EBF2: variants seen among roughly 807,000 people sequenced by gnomAD.
The protein encoded by EBF2 is transcription factor COE2.
In EBF2, 21 loss-of-function variants were observed where a neutral mutation model predicts 72.8. That is an observed-to-expected ratio of 0.29 (90% CI 0.20 to 0.42). EBF2 has a LOEUF of 0.42. Among genes scored for constraint, EBF2 ranks in the 10% least tolerant of loss-of-function variants. The pLI, the probability that EBF2 is intolerant of heterozygous loss-of-function variation, is 1.00. For missense variants in EBF2, 637 were observed against 731.2 expected, an observed-to-expected ratio of 0.87 and a Z score of 1.49; for synonymous variants, 299 against 274.2, an observed-to-expected ratio of 1.09 and a Z score of -0.89.
chr8:25,870,487 G>A (rs1802417560), intron 10 of EBF2, among the ~76,000 whole-genome samples: 1 of 152,066 alleles, frequency 6.6e-6, no homozygotes, highest in Non-Finnish European at 1.5e-5. Context: ...CATTTTTGGG[G>A]GTCCAGCCAG....
At chr8:25,943,194 G>A (rs1466328416) in intron 6 of EBF2, among the ~76,000 whole-genome samples, 2 of 151,828 alleles carry the variant, frequency 1.3e-5, no homozygotes, top group Non-Finnish European at 2.9e-5. Context: ...AGGCCAGGCG[G>A]GATGGCTCAT....
At chr8:26,026,113 A>G (rs1805299084) in intron 6 of EBF2, among the ~76,000 whole-genome samples, 1 of 152,270 alleles carries the variant, frequency 6.6e-6, no homozygotes, top group East Asian at 1.9e-4. Context: ...GGAGTTTGAG[A>G]TTGCAGTGGG....
At chr8:26,005,830 CAAA>C (rs34153696) in intron 6 of EBF2, among the ~76,000 whole-genome samples, 29 of 118,526 alleles carry the variant, frequency 2.4e-4, no homozygotes, top group Admixed American at 2.7e-4. Context: ...GACCAAGTCT[CAAA>C]AAAAAAAAAA....
chr8:25,887,484 C>T (rs62499074), intron 9 of EBF2, among the ~76,000 whole-genome samples: 3,526 of 152,186 alleles, frequency 0.023, 107 homozygotes, highest in East Asian at 0.11. Context: ...TGGTATGTTT[C>T]CAGTACCTTT....
intron 7 of EBF2, among the ~76,000 whole-genome samples, chr8:25,902,173 C>T (rs964397351): frequency 2.0e-5 from 3 of 152,068 alleles, no homozygotes; most frequent in African/African-American, 7.2e-5. Flanking sequence ...GGGAAATGAC[C>T]GTGTGCCTGA....
intron 6 of EBF2, among the ~76,000 whole-genome samples, chr8:26,022,162 C>G (rs1226991839): frequency 6.6e-6 from 1 of 152,124 alleles, no homozygotes; most frequent in East Asian, 1.9e-4. Context: ...TCTCTTGTCC[C>G]TTTCCTTGCA....
chr8:26,028,441 G>A (rs1004008101), intron 6 of EBF2, among the ~76,000 whole-genome samples: 1 of 152,124 alleles, frequency 6.6e-6, no homozygotes, highest in Non-Finnish European at 1.5e-5. Context: ...TACGCACATG[G>A]GTAGCCTACG....
Position 25,866,468 on chromosome 8 carries a change from G to A in EBF2, c.1010-3671C>T, listed in dbSNP as rs906306289. ...AATATATATATATATATAATATATAGGATATATAATATAAAAATATATAAT... is the reference window on the plus strand; with the variant it reads ...AATATATATATATATATAATATATAAGATATATAATATAAAAATATATAAT... On this transcript the variant is annotated intron_variant, in intron 10 of 15. Coordinates refer to ENST00000520164, the MANE Select transcript of EBF2 (RefSeq NM_022659.4). Among the ~76,000 whole-genome samples, 200 of 136,830 alleles carry A rather than the reference G, an allele frequency of 1.5e-3. 3 individuals are homozygous for A. The highest frequency in any genetic ancestry group is 6.8e-4 in the Non-Finnish European group (44 of 64,354). The allele number at this position is 136,830 out of a possible 152,430, so 89.8% of individuals were successfully genotyped here. A position where few individuals can be genotyped will look rare whatever the true frequency, so the allele number is the denominator to read the frequency against.
intron 6 of EBF2, chr8:26,032,056 T>C (rs936136637): frequency 3.3e-5 from 5 of 152,222 alleles, no homozygotes; most frequent in African/African-American, 1.2e-4. Flanking sequence ...CTGCCATTGA[T>C]ATTTCAGTAG....
At chr8:25,961,361 A>C (rs963633141) in intron 6 of EBF2, among the ~76,000 whole-genome samples, 2 of 152,090 alleles carry the variant, frequency 1.3e-5, no homozygotes, top group African/African-American at 4.8e-5. Context: ...TTCAAATATG[A>C]GGTTTTTTGT....
intron 6 of EBF2, among the ~76,000 whole-genome samples, chr8:25,948,886 T>C (rs969042584): frequency 6.6e-6 from 1 of 152,208 alleles, no homozygotes; most frequent in African/African-American, 2.4e-5. Context: ...ATCCAAACTC[T>C]AACTATGGTT....
At chr8:25,878,986 T>C (rs1191699059) in intron 10 of EBF2, among the ~76,000 whole-genome samples, 1 of 152,156 alleles carries the variant, frequency 6.6e-6, no homozygotes, top group African/African-American at 2.4e-5. Flanking sequence ...TGTGCCATAC[T>C]TTATTCTTTA....
intron 6 of EBF2, among the ~76,000 whole-genome samples, chr8:25,966,466 T>A (rs1804117477): frequency 6.6e-6 from 1 of 152,138 alleles, no homozygotes; most frequent in Admixed American, 6.5e-5. Flanking sequence ...CAAACAGCAA[T>A]AGCATATCTA....
intron 6 of EBF2, 146 bp downstream of exon 6, chr8:26,032,939 A>G (rs1805433156): frequency 2.9e-6 from 2 of 679,680 alleles, no homozygotes; most frequent in Non-Finnish European, 5.1e-6. Flanking sequence ...AAAGGCCAGC[A>G]TGAGGAGGCC....
At chr8:26,032,710 A>T (rs1805429790) in intron 6 of EBF2, 1 of 192,666 alleles carries the variant, frequency 5.2e-6, no homozygotes, top group Non-Finnish European at 1.1e-5. Flanking sequence ...GCCAAGCAGC[A>T]ATCACCGAGA....
At chr8:25,887,086 T>C (rs988350589) in intron 9 of EBF2, among the ~76,000 whole-genome samples, 2 of 151,210 alleles carry the variant, frequency 1.3e-5, no homozygotes, top group Non-Finnish European at 2.9e-5. Context: ...TGTCTCTGTC[T>C]GTCTGTCCCT....
rs147939969 is a variant in EBF2 at position 26,009,960 on chromosome 8, C to G, written c.551+23125G>C. 4.9e-3 allele frequency among the ~76,000 whole-genome samples: 746 copies of G among 152,300 alleles called. 3 individuals carry two copies. Among genetic ancestry groups the G allele is most frequent in the Non-Finnish European group, 8.8e-3 (597 of 68,036 alleles). On this transcript the variant is annotated intron_variant, in intron 6 of 15. Transcript: ENST00000520164. ...CCCTCCACTTCAGATACCATTGGCTCGAACTCCTATTAAGAAGGAACAGAG... is the reference window on the plus strand; with the variant it reads ...CCCTCCACTTCAGATACCATTGGCTGGAACTCCTATTAAGAAGGAACAGAG...
intron 10 of EBF2, among the ~76,000 whole-genome samples, chr8:25,863,093 A>T (rs1168668029): frequency 6.6e-6 from 1 of 152,150 alleles, no homozygotes; most frequent in Non-Finnish European, 1.5e-5. Context: ...TCAATTTCTT[A>T]TGAAGATAAT....
chr8:26,017,565 C>G (rs1366131960), intron 6 of EBF2, among the ~76,000 whole-genome samples: 1 of 152,086 alleles, frequency 6.6e-6, no homozygotes, highest in Non-Finnish European at 1.5e-5. Context: ...TCTCACAGGG[C>G]CATGTGGGCA....
Sources: gnomAD v4.1 joint callset for allele counts (sites outside exome capture counted in the v4.1 genomes callset) on GRCh38, gnomAD v4.1.1 for gene constraint, MANE v1.5 for transcripts, NCBI Gene and HGNC (gene_info 2026-07-23, HGNC 2026-07-21) for gene names.